The following ZMIZ1 variants were observed in gnomAD, a reference collection of about 807,000 sequenced individuals.
ZMIZ1 encodes zinc finger MIZ-type containing 1.
Under a neutral mutation model 113.9 loss-of-function variants are expected in ZMIZ1, and 17 were observed. That is an observed-to-expected ratio of 0.15 (90% CI 0.10 to 0.22). The LOEUF (loss-of-function observed/expected upper bound fraction) is 0.22. Ranked by LOEUF, ZMIZ1 falls within the 10% of genes least tolerant of loss-of-function variation. ZMIZ1 has a pLI of 1.00. For synonymous variants in ZMIZ1, 607 were observed against 603.1 expected, an observed-to-expected ratio of 1.01 and a Z score of -0.09; for missense variants, 1,059 against 1,477.8, an observed-to-expected ratio of 0.72 and a Z score of 4.65.
At chr10:79,244,205 A>G (rs550554108) in intron 7 of ZMIZ1, among the ~76,000 whole-genome samples, 74 of 152,220 alleles carry the variant, frequency 4.9e-4, no homozygotes, top group Non-Finnish European at 8.2e-4. Context: ...TGATGCCACC[A>G]TTGCGGCAGG....
In ZMIZ1 at chr10:79,069,659, C is replaced by T. The variant is rs1313248072; in HGVS notation, c.-337+389C>T. Among the ~76,000 whole-genome samples, 5 of 152,214 alleles carry T rather than the reference C, an allele frequency of 3.3e-5. No individual in the cohort carries two copies. In the East Asian group the frequency reaches 9.7e-4, roughly 30 times the overall value. On this transcript the variant is annotated intron_variant, in intron 1 of 24. Coordinates refer to ENST00000334512, the MANE Select transcript of ZMIZ1 (RefSeq NM_020338.4). The surrounding 1 kb of genome is among the most constrained non-coding windows in gnomAD (Gnocchi z 4.6). Reference sequence around the variant, plus strand: ...ATCGGAGGAGGGAGGGAAGGACCGCCTCGGTCTCCTTCGCCTCCTCTGGGG... The same window carrying T: ...ATCGGAGGAGGGAGGGAAGGACCGCTTCGGTCTCCTTCGCCTCCTCTGGGG...
intron 6 of ZMIZ1, 71 bp from the exon 7 acceptor site, chr10:79,216,098 C>A: frequency 8.5e-7 from 1 of 1,170,268 alleles, no homozygotes; most frequent in African/African-American, 1.6e-5. Context: ...ACCCACTTCA[C>A]CTGCAAAATG....
rs1842319102 is a variant in ZMIZ1 at position 79,072,365 on chromosome 10, G to A, written c.-337+3095G>A. ...CCTCCAACATAGGACAGGTGTCCATGCTTGACTCATTCCAGAAAATTGCAG... is the reference window on the plus strand; with the variant it reads ...CCTCCAACATAGGACAGGTGTCCATACTTGACTCATTCCAGAAAATTGCAG... On this transcript the variant is annotated intron_variant, in intron 1 of 24. Transcript: ENST00000334512. Among the ~76,000 whole-genome samples the A allele has an allele frequency of 3.3e-5, 5 of 152,340 alleles. No individual in the cohort carries two copies. The South Asian group carries it at 8.3e-4, about 25-fold the overall frequency.
intron 3 of ZMIZ1, among the ~76,000 whole-genome samples, chr10:79,156,905 C>A (rs1433753395): frequency 1.3e-5 from 2 of 152,232 alleles, no homozygotes; most frequent in Non-Finnish European, 2.9e-5. Context: ...GGAATGAGGA[C>A]TACCAGGTCC....
At position 79,291,150 on chromosome 10, in the gene ZMIZ1, C is replaced by T. The variant is rs760745765; in HGVS notation, c.732C>T (p.Tyr244=). The stretch of plus-strand genomic sequence containing the variant: ...AGAGCATGTATGGCCGGCCCAACTA[C>T]CCCGGCAGCGGGGGCTTTGGGGCCA... ...IQQSMYGRPN[Y]PGSGGFGASY... is the part of the protein sequence containing the mutation. Residue 244 remains tyrosine (Y), a synonymous_variant, in exon 10 of 25, where the codon TAC becomes TAT. Transcript: ENST00000334512. 1 of 1,611,658 alleles carries T rather than the reference C, an allele frequency of 6.2e-7. No homozygotes were observed. Among genetic ancestry groups the T allele is most frequent in the African/African-American group, 1.3e-5 (1 of 75,046 alleles).
At chr10:79,126,433 G>A (rs1173506524) in intron 2 of ZMIZ1, among the ~76,000 whole-genome samples, 4 of 152,184 alleles carry the variant, frequency 2.6e-5, no homozygotes, top group Non-Finnish European at 5.9e-5. Flanking sequence ...GGCCTCAGGG[G>A]TCAGGGAGAG....
At chr10:79,232,790 G>A (rs1372376324) in intron 7 of ZMIZ1, among the ~76,000 whole-genome samples, 3 of 152,180 alleles carry the variant, frequency 2.0e-5, no homozygotes, top group Non-Finnish European at 2.9e-5. Context: ...CGGAAGGAAT[G>A]TGAGCTAAAC....
intron 4 of ZMIZ1, among the ~76,000 whole-genome samples, chr10:79,193,794 C>G (rs982494890): frequency 6.6e-6 from 1 of 152,114 alleles, no homozygotes; most frequent in Non-Finnish European, 1.5e-5. Flanking sequence ...CAGTCAGAGG[C>G]AAAGACATGG....
intron 10 of ZMIZ1, 23 bp downstream of exon 10, chr10:79,291,199 AGAAG>A: frequency 5.1e-6 from 8 of 1,580,926 alleles, no homozygotes; most frequent in Non-Finnish European, 6.9e-6. Context: ...GACCTGTGGC[AGAAG>A]CCATGGACGC....
intron 2 of ZMIZ1, among the ~76,000 whole-genome samples, chr10:79,131,516 G>T (rs1844769183): frequency 6.6e-6 from 1 of 152,206 alleles, no homozygotes; most frequent in Non-Finnish European, 1.5e-5. Context: ...TTCCATTGCA[G>T]AGTTTTTCCT....
At chr10:79,268,046 T>C (rs984218621) in intron 7 of ZMIZ1, among the ~76,000 whole-genome samples, 2 of 152,132 alleles carry the variant, frequency 1.3e-5, no homozygotes, top group Non-Finnish European at 2.9e-5. Context: ...GTTTGGGAGC[T>C]GAAAGAGGAG....
intron 6 of ZMIZ1, among the ~76,000 whole-genome samples, chr10:79,210,990 G>A (rs1039100649): frequency 6.6e-6 from 1 of 152,162 alleles, no homozygotes; most frequent in African/African-American, 2.4e-5. Context: ...CCTGCCTCCA[G>A]TGTAAGGCAT....
chr10:79,149,848 G>A (rs972624606), intron 3 of ZMIZ1, among the ~76,000 whole-genome samples: 3 of 152,220 alleles, frequency 2.0e-5, no homozygotes, highest in African/African-American at 7.2e-5. Context: ...TTCAATCAGG[G>A]GCCCCCGCTC....
chr10:79,292,637 GA>G, intron 11 of ZMIZ1: 3 of 525,644 alleles, frequency 5.7e-6, no homozygotes, highest in Non-Finnish European at 7.1e-6. Flanking sequence ...TGCATATGGG[GA>G]AAAGGTTCTA....
chr10:79,271,973 C>T (rs913833193), intron 7 of ZMIZ1, among the ~76,000 whole-genome samples: 3 of 152,130 alleles, frequency 2.0e-5, no homozygotes, highest in African/African-American at 7.2e-5. Flanking sequence ...TAGTGTCATT[C>T]GATAGCACAG....
At chr10:79,295,493 G>A (rs1473021187) in intron 12 of ZMIZ1, 4 of 152,206 alleles carry the variant, frequency 2.6e-5, no homozygotes, top group African/African-American at 9.7e-5. Context: ...CTTAGGACAG[G>A]GGTTGGGTCA....
chr10:79,206,641 A>C (rs946096946), intron 5 of ZMIZ1, among the ~76,000 whole-genome samples: 26 of 152,250 alleles, frequency 1.7e-4, no homozygotes, highest in African/African-American at 6.3e-4. Context: ...AGAAGGAGCC[A>C]GGGCTGAGAG....
In ZMIZ1 at chr10:79,207,705, T is replaced by G. The variant is rs111534153; in HGVS notation, c.61-631T>G. ...CCAGTACGTCACACACAGCAGCCCC[T>G]AGTGTGAGGACAGTACAGGCACGTG... On this transcript the variant is annotated intron_variant, in intron 5 of 24. Transcript: ENST00000334512. 9.6e-3 allele frequency among the ~76,000 whole-genome samples: 1,458 copies of G among 152,222 alleles called. 32 individuals are homozygous for G. Among genetic ancestry groups the G allele is most frequent in the African/African-American group, 0.033 (1,365 of 41,554 alleles).
intron 7 of ZMIZ1, among the ~76,000 whole-genome samples, chr10:79,260,417 A>G (rs1851199594): frequency 6.6e-6 from 1 of 152,096 alleles, no homozygotes. Flanking sequence ...CAGGTCAGGG[A>G]AACTCTGGCT....
Sources: gnomAD v4.1 joint callset for allele counts (sites outside exome capture counted in the v4.1 genomes callset) on GRCh38, gnomAD v4.1.1 for gene constraint, Gnocchi (gnomAD v3.1) non-coding constraint, MANE v1.5 for transcripts, NCBI Gene and HGNC (gene_info 2026-07-23, HGNC 2026-07-21) for gene names.